ARHGAP35: variants seen among roughly 807,000 people sequenced by gnomAD.
ARHGAP35 encodes the protein Rho GTPase activating protein 35.
In ARHGAP35, 15 loss-of-function variants were observed where a neutral mutation model predicts 111.1. The observed-to-expected ratio is 0.13, with a 90% CI of 0.09 to 0.21. ARHGAP35 has a LOEUF of 0.21. Among genes scored for constraint, ARHGAP35 ranks in the 10% least tolerant of loss-of-function variants. The pLI is 1.00. For synonymous variants in ARHGAP35, 643 were observed against 710.3 expected, an observed-to-expected ratio of 0.91 and a Z score of 1.51; for missense variants, 1,262 against 1,873.0, an observed-to-expected ratio of 0.67 and a Z score of 6.02.
intron 1 of ARHGAP35, among the ~76,000 whole-genome samples, chr19:46,883,309 A>G (rs1181973570): frequency 6.6e-6 from 1 of 150,600 alleles, no homozygotes; most frequent in African/African-American, 2.5e-5. Context: ...CATGTTGGCC[A>G]GGCTCGTCTC....
chr19:46,959,090 T>C (rs2122264844), intron 3 of ARHGAP35, among the ~76,000 whole-genome samples: 1 of 152,308 alleles, frequency 6.6e-6, no homozygotes, highest in East Asian at 1.9e-4. Context: ...AATTTATTTA[T>C]TTATTTGAGA....
chr19:46,889,677 C>T (rs915491542), intron 1 of ARHGAP35, among the ~76,000 whole-genome samples: 1 of 148,750 alleles, frequency 6.7e-6, no homozygotes, highest in African/African-American at 2.5e-5. Context: ...AGAGTAGAGG[C>T]CATTCGGAGC....
chr19:46,937,148 A>T (rs976815408), intron 2 of ARHGAP35, 116 bp from the exon 3 acceptor site: 28 of 1,282,124 alleles, frequency 2.2e-5, no homozygotes, highest in Non-Finnish European at 2.9e-5. Flanking sequence ...CCACTTCTTG[A>T]CATTCTTTCT....
At chr19:46,974,266 C>T (rs1010406019) in intron 3 of ARHGAP35, among the ~76,000 whole-genome samples, 2 of 152,162 alleles carry the variant, frequency 1.3e-5, no homozygotes, top group African/African-American at 2.4e-5. Context: ...GCATTAGACT[C>T]CATAAGTTCA....
intron 1 of ARHGAP35, among the ~76,000 whole-genome samples, chr19:46,868,159 C>T (rs1341490950): frequency 4.6e-5 from 7 of 152,222 alleles, no homozygotes; most frequent in Admixed American, 2.0e-4. Flanking sequence ...TGAGCTACCG[C>T]GCCTGGCTCT....
At chr19:46,864,294 T>C (rs1248745011) in intron 1 of ARHGAP35, among the ~76,000 whole-genome samples, 2 of 152,222 alleles carry the variant, frequency 1.3e-5, no homozygotes, top group Admixed American at 6.5e-5. Flanking sequence ...AGGTGGTTTT[T>C]ACAGAAAATC....
intron 1 of ARHGAP35, among the ~76,000 whole-genome samples, chr19:46,867,191 T>C (rs997164718): frequency 1.2e-4 from 18 of 152,240 alleles, no homozygotes; most frequent in African/African-American, 3.1e-4. Context: ...GAAAGTAATA[T>C]TTATTTTAGT....
chr19:46,936,148 AG>A (rs2056306000), intron 2 of ARHGAP35, among the ~76,000 whole-genome samples: 1 of 152,152 alleles, frequency 6.6e-6, no homozygotes, highest in African/African-American at 2.4e-5. Flanking sequence ...ATGCTGAGGT[AG>A]GAAGATCACT....
At chr19:46,866,469 C>G (rs1005541312) in intron 1 of ARHGAP35, among the ~76,000 whole-genome samples, 2 of 152,132 alleles carry the variant, frequency 1.3e-5, no homozygotes, top group African/African-American at 4.8e-5. Flanking sequence ...AGGCCTTGTC[C>G]TAATTAGCTG....
At chr19:46,867,685 A>G (rs1256804663) in intron 1 of ARHGAP35, among the ~76,000 whole-genome samples, 1 of 152,132 alleles carries the variant, frequency 6.6e-6, no homozygotes, top group Non-Finnish European at 1.5e-5. Context: ...TATCACACCT[A>G]GCAAAAATAC....
At chr19:46,937,470 G>C in intron 3 of ARHGAP35, 62 bp downstream of exon 3, 1 of 1,567,684 alleles carries the variant, frequency 6.4e-7, no homozygotes, top group Admixed American at 1.7e-5. Flanking sequence ...TTACTGGAGG[G>C]TCAAGCCATC....
intron 1 of ARHGAP35, among the ~76,000 whole-genome samples, chr19:46,862,893 C>T (rs917153184): frequency 6.6e-6 from 1 of 152,130 alleles, no homozygotes; most frequent in Non-Finnish European, 1.5e-5. Flanking sequence ...TTGGAGTTCT[C>T]ACTCCAATTG....
At chr19:46,872,880 C>A (rs372219600) in intron 1 of ARHGAP35, among the ~76,000 whole-genome samples, 793 of 126,518 alleles carry the variant, frequency 6.3e-3, no homozygotes, top group South Asian at 6.3e-3. Flanking sequence ...GACTCCGTCT[C>A]AAAAAAAAAA....
At chr19:46,967,647 A>G (rs1045706336) in intron 3 of ARHGAP35, among the ~76,000 whole-genome samples, 2 of 152,218 alleles carry the variant, frequency 1.3e-5, no homozygotes, top group African/African-American at 4.8e-5. Context: ...GTATCACTCT[A>G]GGATGAAGTT....
chr19:46,921,105 A>G lies in ARHGAP35; in HGVS notation c.2430A>G (p.Lys810=), dbSNP rs1264458361. 1.2e-6 allele frequency: 2 copies of G among 1,613,882 alleles called. No homozygotes were observed. The highest frequency in any genetic ancestry group is 1.7e-6 in the Non-Finnish European group (2 of 1,179,900). ...LFPVLQSQTC[K]SSHCGSNNSV... is the part of the protein sequence containing the mutation. ...CTGTCCTTCAGTCCCAAACCTGTAAATCTTCCCATTGTGGAAGCAACAACT... is the reference window on the plus strand; with the variant it reads ...CTGTCCTTCAGTCCCAAACCTGTAAGTCTTCCCATTGTGGAAGCAACAACT... Residue 810 remains lysine, a synonymous_variant, in exon 2 of 7, where the codon AAA becomes AAG. Transcript: ENST00000672722. This position sits in a 1 kb window ranked among gnomAD's most constrained non-coding sequence, Gnocchi z 4.3.
chr19:46,900,626 A>G (rs781562122), intron 1 of ARHGAP35, among the ~76,000 whole-genome samples: 5 of 152,068 alleles, frequency 3.3e-5, no homozygotes, highest in Non-Finnish European at 7.4e-5. Flanking sequence ...TTCTTTGGAC[A>G]CTAATTCATT....
intron 3 of ARHGAP35, among the ~76,000 whole-genome samples, chr19:46,953,483 G>GT (rs1196456748): frequency 6.6e-6 from 1 of 152,166 alleles, no homozygotes; most frequent in African/African-American, 2.4e-5. Flanking sequence ...TCTGAGTGAG[G>GT]TAAGAAGCCA....
chr19:46,959,373 T>G (rs2056463378), intron 3 of ARHGAP35, among the ~76,000 whole-genome samples: 2 of 149,950 alleles, frequency 1.3e-5, no homozygotes, highest in Admixed American at 6.6e-5. Flanking sequence ...CCTTTTTTTA[T>G]TTATTTTTAT....
chr19:46,877,657 A>C (rs1050087868), intron 1 of ARHGAP35, among the ~76,000 whole-genome samples: 1 of 152,198 alleles, frequency 6.6e-6, no homozygotes, highest in Non-Finnish European at 1.5e-5. Flanking sequence ...TCTTTAAAAA[A>C]GTATATACCT....
Sources: allele counts gnomAD v4.1 joint callset (sites outside exome capture counted in the v4.1 genomes callset), GRCh38; gene constraint gnomAD v4.1.1; non-coding constraint Gnocchi (gnomAD v3.1); transcripts MANE v1.5; gene names NCBI Gene and HGNC (gene_info 2026-07-23, HGNC 2026-07-21).